Variants in KCNIP1 observed in about 807,000 individuals in gnomAD.
KCNIP1 encodes potassium voltage-gated channel interacting protein 1, also known as A-type potassium channel modulatory protein KCNIP1.
KCNIP1 carries 18 observed loss-of-function variants against 33.0 expected under a neutral mutation model. That is an observed-to-expected ratio of 0.55 (90% CI 0.38 to 0.81). KCNIP1 has a LOEUF of 0.81. KCNIP1 is among the 30% of genes least tolerant of loss of function. KCNIP1 has a pLI of 0.00. For missense variants in KCNIP1, 238 were observed against 271.6 expected, an observed-to-expected ratio of 0.88 and a Z score of 0.87; for synonymous variants, 93 against 98.3, an observed-to-expected ratio of 0.95 and a Z score of 0.32.
chr5:170,570,686 C>T (rs1471558054), intron 1 of KCNIP1, among the ~76,000 whole-genome samples: 2 of 152,234 alleles, frequency 1.3e-5, no homozygotes, highest in East Asian at 1.9e-4. Flanking sequence ...TGCCAGGCGG[C>T]GGGTCAGCAT....
intron 1 of KCNIP1, among the ~76,000 whole-genome samples, chr5:170,645,330 T>C (rs548826860): frequency 3.3e-5 from 5 of 152,316 alleles, no homozygotes; most frequent in East Asian, 3.9e-4. Context: ...AGTAGCTACA[T>C]TGATTTCAGA....
chr5:170,594,143 G>A (rs982788135), intron 1 of KCNIP1, among the ~76,000 whole-genome samples: 4 of 152,208 alleles, frequency 2.6e-5, no homozygotes, highest in Admixed American at 6.5e-5. Context: ...GGCAACCCCA[G>A]GACCTTTGAA....
intron 1 of KCNIP1, among the ~76,000 whole-genome samples, chr5:170,658,514 G>T (rs531800176): frequency 6.6e-6 from 1 of 152,330 alleles, no homozygotes; most frequent in African/African-American, 2.4e-5. Flanking sequence ...GAGGGGAAAA[G>T]TATTCAAACT....
At chr5:170,460,762 G>A (rs1283553696) in intron 1 of KCNIP1, among the ~76,000 whole-genome samples, 2 of 151,958 alleles carry the variant, frequency 1.3e-5, no homozygotes, top group African/African-American at 4.8e-5. Context: ...AAGATGCCCA[G>A]TCTCACCACT....
intron 1 of KCNIP1, among the ~76,000 whole-genome samples, chr5:170,544,440 C>T (rs1354549274): frequency 6.6e-6 from 1 of 152,016 alleles, no homozygotes; most frequent in Non-Finnish European, 1.5e-5. Context: ...ACAATAATAG[C>T]TTTTCAGTGT....
intron 1 of KCNIP1, among the ~76,000 whole-genome samples, chr5:170,532,514 G>A (rs954137718): frequency 1.3e-5 from 2 of 152,250 alleles, no homozygotes; most frequent in East Asian, 3.9e-4. Context: ...TTGAGACCAC[G>A]CATGCATGTG....
chr5:170,492,568 T>A (rs1234554572), intron 1 of KCNIP1, among the ~76,000 whole-genome samples: 1 of 152,152 alleles, frequency 6.6e-6, no homozygotes, highest in African/African-American at 2.4e-5. Context: ...GGGATGGGGC[T>A]GAAAGTCTCA....
At chr5:170,704,731 T>C (rs2113842557) in intron 1 of KCNIP1, among the ~76,000 whole-genome samples, 1 of 152,338 alleles carries the variant, frequency 6.6e-6, no homozygotes, top group East Asian at 1.9e-4. Context: ...GGTCCCACTC[T>C]TCACCTCTTG....
intron 1 of KCNIP1, among the ~76,000 whole-genome samples, chr5:170,390,294 C>G (rs984501096): frequency 2.4e-4 from 37 of 151,624 alleles, no homozygotes; most frequent in African/African-American, 8.7e-4. Flanking sequence ...TTGCTCAAGC[C>G]CAGGAGTTTG....
intron 1 of KCNIP1, among the ~76,000 whole-genome samples, chr5:170,627,120 C>A (rs779996851): frequency 2.0e-5 from 3 of 152,110 alleles, no homozygotes; most frequent in Non-Finnish European, 4.4e-5. Context: ...CACGTTTTTT[C>A]TCTTCTTGTC....
chr5:170,671,578 C>T (rs758196253), intron 1 of KCNIP1, among the ~76,000 whole-genome samples: 33 of 152,250 alleles, frequency 2.2e-4, no homozygotes, highest in East Asian at 9.6e-4. Flanking sequence ...GCACCAATCA[C>T]GGCTTATATG....
intron 1 of KCNIP1, among the ~76,000 whole-genome samples, chr5:170,525,379 C>T (rs959857332): frequency 6.6e-5 from 10 of 152,178 alleles, no homozygotes; most frequent in East Asian, 1.9e-4. Flanking sequence ...TGTGGATAAG[C>T]GATAGAATCT....
intron 1 of KCNIP1, among the ~76,000 whole-genome samples, chr5:170,646,328 T>C (rs1760783006): frequency 6.6e-6 from 1 of 152,174 alleles, no homozygotes; most frequent in Admixed American, 6.6e-5. Flanking sequence ...TGAACATAGA[T>C]GCAAAAATTC....
chr5:170,594,457 G>T (rs1368042610), intron 1 of KCNIP1, among the ~76,000 whole-genome samples: 2 of 152,174 alleles, frequency 1.3e-5, no homozygotes, highest in Non-Finnish European at 2.9e-5. Flanking sequence ...AGGGTTCCAA[G>T]ACAACTACTC....
chr5:170,643,466 T>C (rs940252094), intron 1 of KCNIP1, among the ~76,000 whole-genome samples: 1 of 152,262 alleles, frequency 6.6e-6, no homozygotes, highest in Non-Finnish European at 1.5e-5. Flanking sequence ...TGCAGTGTGC[T>C]GGAGCTCACA....
intron 1 of KCNIP1, among the ~76,000 whole-genome samples, chr5:170,444,692 CT>C (rs200470198): frequency 4.4e-5 from 6 of 136,634 alleles, no homozygotes; most frequent in African/African-American, 1.6e-4. Flanking sequence ...TATATTTTTT[CT>C]TTTTTTAAAA....
intron 1 of KCNIP1, among the ~76,000 whole-genome samples, chr5:170,465,689 T>G (rs948920863): frequency 6.6e-6 from 1 of 152,082 alleles, no homozygotes; most frequent in African/African-American, 2.4e-5. Flanking sequence ...ATACATGTAT[T>G]CAGATACTGC....
chr5:170,461,917 G>A (rs1033751536), intron 1 of KCNIP1, among the ~76,000 whole-genome samples: 13 of 152,236 alleles, frequency 8.5e-5, no homozygotes, highest in Admixed American at 7.8e-4. Context: ...CCACATGTAG[G>A]AGAATGAAAC....
At chr5:170,653,823 T>C (rs1761152821) in intron 1 of KCNIP1, among the ~76,000 whole-genome samples, 1 of 152,044 alleles carries the variant, frequency 6.6e-6, no homozygotes, top group Non-Finnish European at 1.5e-5. Context: ...GGTGACTTGA[T>C]GCCCTTAGCT....
Sources: allele counts gnomAD v4.1 joint callset (sites outside exome capture counted in the v4.1 genomes callset), GRCh38; gene constraint gnomAD v4.1.1; transcripts MANE v1.5; gene names NCBI Gene and HGNC (gene_info 2026-07-23, HGNC 2026-07-21).